ZNF420: variants seen among roughly 807,000 people sequenced by gnomAD.
The protein encoded by ZNF420 is ATM and p53-associated KZNF protein.
A neutral mutation model predicts 44.7 loss-of-function variants in ZNF420; 31 were observed. The ratio of observed to expected loss-of-function variants is 0.69; its 90% CI spans 0.52 to 0.94. The LOEUF (loss-of-function observed/expected upper bound fraction) is 0.94, where lower values mean the gene tolerates loss of function less well. Ranked by LOEUF, ZNF420 falls within the 40% of genes least tolerant of loss-of-function variation. ZNF420 has a pLI of 0.00. For synonymous variants in ZNF420, 245 were observed against 267.4 expected (o/e 0.92, Z 0.82); for missense variants, 681 against 827.9 (o/e 0.82, Z 2.18).
intron 1 of ZNF420, among the ~76,000 whole-genome samples, chr19:37,020,216 CAAAAAAA>C (rs376616699): frequency 7.4e-4 from 74 of 99,892 alleles, no homozygotes; most frequent in Non-Finnish European, 1.2e-3. Context: ...GACTCCGTCT[CAAAAAAA>C]AAAAAAAAAA....
At chr19:37,066,367 C>T (rs896461344) in intron 1 of ZNF420, among the ~76,000 whole-genome samples, 9 of 151,478 alleles carry the variant, frequency 5.9e-5, no homozygotes, top group Admixed American at 3.9e-4. Flanking sequence ...TGCTTTAACC[C>T]GGGAGGCAGA....
At position 37,064,415 on chromosome 19, in the gene ZNF420, G is replaced by C. The variant is rs947306651; in HGVS notation, c.-124-15930G>C. 5.3e-5 allele frequency among the ~76,000 whole-genome samples: 8 copies of C among 152,122 alleles called. No individual in the cohort carries two copies. In the South Asian group the frequency reaches 6.2e-4, roughly 12 times the overall value. ...GGCAAGTGGGAGCCCCTCCTGTGTG[G>C]GTTTTGCGGCCTTTAACAGGTTCCT... is the stretch of plus-strand genomic sequence containing the variant. On this transcript the variant is annotated intron_variant, in intron 1 of 4. Transcript: ENST00000587029.
intron 1 of ZNF420, among the ~76,000 whole-genome samples, chr19:37,008,327 T>C (rs1389138711): frequency 6.6e-6 from 1 of 152,156 alleles, no homozygotes; most frequent in African/African-American, 2.4e-5. Context: ...TGTGTCCGTG[T>C]GAGTGTGTTG....
intron 2 of ZNF420, among the ~76,000 whole-genome samples, chr19:37,086,452 A>T (rs1052196597): frequency 1.3e-5 from 2 of 152,172 alleles, no homozygotes; most frequent in Non-Finnish European, 2.9e-5. Flanking sequence ...GGCTTTTGGT[A>T]AGTGGGTGTG....
intron 4 of ZNF420, 98 bp downstream of exon 4, chr19:37,091,219 T>A: frequency 8.0e-7 from 1 of 1,243,592 alleles, no homozygotes; most frequent in Non-Finnish European, 1.1e-6. Flanking sequence ...TAACTGAATT[T>A]CTTATTCTTT....
intron 1 of ZNF420, among the ~76,000 whole-genome samples, chr19:37,011,745 C>G: frequency 6.6e-6 from 1 of 152,166 alleles, no homozygotes; most frequent in African/African-American, 2.4e-5. Flanking sequence ...GTCTCGCCAT[C>G]GCCCCATATG....
intron 4 of ZNF420, among the ~76,000 whole-genome samples, chr19:37,120,583 T>C (rs1970973843): frequency 6.6e-6 from 1 of 152,174 alleles, no homozygotes; most frequent in Non-Finnish European, 1.5e-5. Context: ...ATGCCCTCTC[T>C]CACCACTCCT....
chr19:37,031,240 A>T (rs893711014), intron 1 of ZNF420, among the ~76,000 whole-genome samples: 5 of 152,172 alleles, frequency 3.3e-5, no homozygotes, highest in African/African-American at 1.2e-4. Flanking sequence ...ATCTCTTTCC[A>T]TTCACCCTCC....
At chr19:37,088,427 T>C (rs1398919692) in intron 2 of ZNF420, among the ~76,000 whole-genome samples, 1 of 152,244 alleles carries the variant, frequency 6.6e-6, no homozygotes, top group Non-Finnish European at 1.5e-5. Context: ...TCTACTTCGC[T>C]TAAGAAATTT....
At chr19:37,025,883 C>T (rs1599601217) in intron 1 of ZNF420, among the ~76,000 whole-genome samples, 2 of 144,998 alleles carry the variant, frequency 1.4e-5, no homozygotes, top group South Asian at 4.3e-4. Context: ...CTCAGCAATC[C>T]TCCTGCCTCA....
chr19:37,017,879 G>A (rs1034330741), intron 1 of ZNF420, among the ~76,000 whole-genome samples: 2 of 152,120 alleles, frequency 1.3e-5, no homozygotes, highest in African/African-American at 4.8e-5. Context: ...TGAATTTTCT[G>A]TGTTTGCAGA....
chr19:37,013,368 C>T (rs2074586425), intron 1 of ZNF420, among the ~76,000 whole-genome samples: 2 of 152,184 alleles, frequency 1.3e-5, no homozygotes, highest in South Asian at 2.1e-4. Flanking sequence ...TAATGATCCC[C>T]TCCATCGTCT....
chr19:37,079,129 G>C (rs1448285300), intron 1 of ZNF420, among the ~76,000 whole-genome samples: 1 of 152,134 alleles, frequency 6.6e-6, no homozygotes, highest in Non-Finnish European at 1.5e-5. Flanking sequence ...GGGTGTTTTT[G>C]GCGGTATGTG....
Position 37,128,999 on chromosome 19 carries a change from T to A in ZNF420, c.2008T>A (p.Ser670Thr). The A allele has an allele frequency of 1.2e-6, 2 of 1,613,940 alleles. No individual in the cohort carries two copies. Among genetic ancestry groups the A allele is most frequent in the Non-Finnish European group, 1.7e-6 (2 of 1,179,906 alleles). The part of the protein sequence containing the change: ...QHQRIHISEK[S>T]FEYKECGIDF... ...TCAGAGAATTCATATCAGTGAGAAATCTTTTGAATATAAGGAATGTGGGAT... is the reference window on the plus strand; with the variant it reads ...TCAGAGAATTCATATCAGTGAGAAAACTTTTGAATATAAGGAATGTGGGAT... Residue 670 changes from serine to threonine, a missense_variant, in exon 5 of 5, where the codon TCT becomes ACT. By Grantham distance (58) the Ser-to-Thr change is moderately conservative (BLOSUM62 1). Transcript: ENST00000337995.
intron 4 of ZNF420, among the ~76,000 whole-genome samples, chr19:37,119,544 A>C (rs1599717353): frequency 6.6e-6 from 1 of 152,198 alleles, no homozygotes; most frequent in Non-Finnish European, 1.5e-5. Context: ...GGACACCCTA[A>C]CACCACAATT....
intron 1 of ZNF420, among the ~76,000 whole-genome samples, chr19:37,079,106 T>G (rs1417807713): frequency 3.9e-5 from 6 of 152,116 alleles, no homozygotes; most frequent in Admixed American, 3.9e-4. Flanking sequence ...AGACTAAAAT[T>G]GCAGCTTTGA....
intron 1 of ZNF420, among the ~76,000 whole-genome samples, chr19:37,021,936 C>CAAA (rs60559933): frequency 3.5e-5 from 3 of 84,584 alleles, no homozygotes; most frequent in Non-Finnish European, 4.5e-5. Flanking sequence ...CAGTCTGTCT[C>CAAA]AAAAAAAAAA....
rs760437783 is a variant in ZNF420 at position 37,091,101 on chromosome 19, A to G, written c.116A>G (p.Tyr39Cys). The change falls in exon 4 of 5, where the codon TAT becomes TGT. Residue 39 changes from tyrosine (Y) to cysteine (C), a missense_variant. This residue lies in a region of ZNF420 where 350 missense variants were observed against 382.5 expected (regional missense o/e 0.92). Transcript: ENST00000337995. ...TATAGAGATGTGATGTTGGAGAACT[A>G]TAGCAACTTGGTATCACTAGGTAAG... Reference protein sequence around the residue: ...DLYRDVMLENYSNLVSLDLPS... With the variant: ...DLYRDVMLENCSNLVSLDLPS... The G allele has an allele frequency of 6.3e-7, 1 of 1,594,774 alleles. No individual in the cohort carries two copies. The highest frequency in any genetic ancestry group is 8.5e-7 in the Non-Finnish European group (1 of 1,172,056).
chr19:37,050,068 G>A (rs917973002), intron 1 of ZNF420, among the ~76,000 whole-genome samples: 1 of 152,062 alleles, frequency 6.6e-6, no homozygotes, highest in African/African-American at 2.4e-5. Flanking sequence ...CTGTTCCATT[G>A]GTCTATATCT....
Sources: gnomAD v4.1 joint callset for allele counts (sites outside exome capture counted in the v4.1 genomes callset) on GRCh38, gnomAD v4.1.1 for gene constraint, gnomAD v4.1.1 regional missense constraint, MANE v1.5 for transcripts, NCBI Gene and HGNC (gene_info 2026-07-23, HGNC 2026-07-21) for gene names.